Variants in WDFY2 observed in about 807,000 individuals in gnomAD.
The protein encoded by WDFY2 is WD repeat and FYVE domain-containing protein 2.
A neutral mutation model predicts 56.4 loss-of-function variants in WDFY2; 36 were observed. The observed-to-expected ratio is 0.64, with a 90% CI of 0.49 to 0.84. The LOEUF (loss-of-function observed/expected upper bound fraction) is 0.84, where lower values mean the gene tolerates loss of function less well. Ranked by LOEUF, WDFY2 falls within the 40% of genes least tolerant of loss-of-function variation. The pLI, the probability that WDFY2 is intolerant of heterozygous loss-of-function variation, is 0.00. For synonymous variants in WDFY2, 176 were observed against 183.7 expected (o/e 0.96, Z 0.34); for missense variants, 444 against 512.2 (o/e 0.87, Z 1.29).
intron 7 of WDFY2, among the ~76,000 whole-genome samples, chr13:51,741,140 C>G (rs2138693100): frequency 6.6e-6 from 1 of 152,308 alleles, no homozygotes; most frequent in Non-Finnish European, 1.5e-5. Flanking sequence ...ACAGACTTGT[C>G]CTTTTAGAAA....
intron 4 of WDFY2, among the ~76,000 whole-genome samples, chr13:51,707,801 G>A (rs1349917256): frequency 6.6e-6 from 1 of 151,944 alleles, no homozygotes; most frequent in African/African-American, 2.4e-5. Flanking sequence ...AAATTAAAAT[G>A]TGCAACAATA....
chr13:51,744,725 A>G (rs1303901403), intron 7 of WDFY2, among the ~76,000 whole-genome samples: 1 of 152,216 alleles, frequency 6.6e-6, no homozygotes, highest in African/African-American at 2.4e-5. Flanking sequence ...GCAGTGCAGT[A>G]CATGGTAACA....
At chr13:51,673,598 T>C (rs1315315727) in intron 2 of WDFY2, among the ~76,000 whole-genome samples, 3 of 152,246 alleles carry the variant, frequency 2.0e-5, no homozygotes, top group African/African-American at 7.2e-5. Flanking sequence ...GTATTTTTTC[T>C]TTAGATTTTT....
intron 2 of WDFY2, among the ~76,000 whole-genome samples, chr13:51,661,139 TC>T (rs1955604220): frequency 6.6e-6 from 1 of 152,222 alleles, no homozygotes; most frequent in South Asian, 2.1e-4. Flanking sequence ...TGATTTCATT[TC>T]CCCAAGATCT....
intron 1 of WDFY2, among the ~76,000 whole-genome samples, chr13:51,605,056 T>C (rs1469490974): frequency 1.3e-5 from 2 of 151,832 alleles, no homozygotes; most frequent in African/African-American, 2.4e-5. Flanking sequence ...TGCAGGAAAA[T>C]AGGTAGAATG....
intron 1 of WDFY2, among the ~76,000 whole-genome samples, chr13:51,646,913 A>G (rs1472171018): frequency 6.6e-6 from 1 of 152,232 alleles, no homozygotes; most frequent in Admixed American, 6.5e-5. Flanking sequence ...TGGATTCAAC[A>G]AAACTTGGAT....
chr13:51,673,563 T>C (rs1955839278), intron 2 of WDFY2, among the ~76,000 whole-genome samples: 1 of 152,262 alleles, frequency 6.6e-6, no homozygotes, highest in African/African-American at 2.4e-5. Flanking sequence ...TGTGTGTATG[T>C]ACTTTACACA....
At chr13:51,683,759 C>T (rs1370620719) in intron 3 of WDFY2, among the ~76,000 whole-genome samples, 1 of 152,156 alleles carries the variant, frequency 6.6e-6, no homozygotes, top group East Asian at 1.9e-4. Flanking sequence ...AAAAGCCTTC[C>T]CCCTTGCTGG....
At chr13:51,644,228 G>A (rs1955226220) in intron 1 of WDFY2, among the ~76,000 whole-genome samples, 1 of 152,144 alleles carries the variant, frequency 6.6e-6, no homozygotes, top group Non-Finnish European at 1.5e-5. Context: ...TGCAATACAA[G>A]GGCACTATCT....
chr13:51,640,419 C>A (rs1019187075), intron 1 of WDFY2, among the ~76,000 whole-genome samples: 21 of 152,158 alleles, frequency 1.4e-4, no homozygotes, highest in African/African-American at 5.1e-4. Context: ...TCCTTCCACC[C>A]TTTGTTGGGT....
At chr13:51,604,812 A>G (rs1954355044) in intron 1 of WDFY2, among the ~76,000 whole-genome samples, 1 of 152,162 alleles carries the variant, frequency 6.6e-6, no homozygotes, top group African/African-American at 2.4e-5. Context: ...GGTCTAGTTA[A>G]AGGTTAAACT....
chr13:51,743,477 G>T (rs1187437491), intron 7 of WDFY2, among the ~76,000 whole-genome samples: 1 of 152,144 alleles, frequency 6.6e-6, no homozygotes, highest in Non-Finnish European at 1.5e-5. Flanking sequence ...AAAATAATCA[G>T]CCCAGGAGTA....
At chr13:51,733,098 C>T (rs551408646) in intron 6 of WDFY2, among the ~76,000 whole-genome samples, 43 of 152,290 alleles carry the variant, frequency 2.8e-4, no homozygotes, top group Admixed American at 6.5e-4. Context: ...TGTAGTGGCA[C>T]GATCTCAGCT....
intron 1 of WDFY2, among the ~76,000 whole-genome samples, chr13:51,631,567 T>A (rs1954953281): frequency 6.6e-6 from 1 of 152,190 alleles, no homozygotes; most frequent in Non-Finnish European, 1.5e-5. Flanking sequence ...ACATTTTCTT[T>A]TCTTCTCCTT....
chr13:51,654,270 G>C (rs963558450), intron 1 of WDFY2, among the ~76,000 whole-genome samples: 6 of 152,194 alleles, frequency 3.9e-5, no homozygotes, highest in African/African-American at 1.2e-4. Flanking sequence ...GTATTAGGGT[G>C]GGAGTGACCT....
chr13:51,629,369 A>G (rs932059136), intron 1 of WDFY2, among the ~76,000 whole-genome samples: 1 of 152,196 alleles, frequency 6.6e-6, no homozygotes, highest in Non-Finnish European at 1.5e-5. Context: ...TTGTTTTAGT[A>G]TTATGTTTAT....
In WDFY2 at chr13:51,719,231, T is replaced by C. The variant is rs775948212; in HGVS notation, c.368T>C (p.Val123Ala). The C allele has an allele frequency of 5.1e-5, 83 of 1,614,070 alleles. 2 individuals carry two copies. The South Asian group carries it at 8.7e-4, about 17-fold the overall frequency. ...HQSRVTMILF[V>A]LELEWVLSTG... ...AGCAGAGTGACGATGATCCTGTTTGTCCTGGAGCTGGAGTGGGTGCTGAGC... is the reference window on the plus strand; with the variant it reads ...AGCAGAGTGACGATGATCCTGTTTGCCCTGGAGCTGGAGTGGGTGCTGAGC... The change falls in exon 5 of 12, where the codon GTC becomes GCC. Residue 123 changes from valine (V) to alanine (A), a missense_variant. Coordinates refer to ENST00000298125, the MANE Select transcript of WDFY2 (RefSeq NM_052950.4).
chr13:51,635,776 A>C (rs1457875673), intron 1 of WDFY2, among the ~76,000 whole-genome samples: 1 of 152,224 alleles, frequency 6.6e-6, no homozygotes, highest in Non-Finnish European at 1.5e-5. Flanking sequence ...TAAATGATAC[A>C]AAGCAAATAA....
intron 1 of WDFY2, among the ~76,000 whole-genome samples, chr13:51,628,170 G>T (rs1176733316): frequency 6.6e-6 from 1 of 152,198 alleles, no homozygotes; most frequent in Non-Finnish European, 1.5e-5. Flanking sequence ...GGCTGTTCGT[G>T]CTGAGAGGCA....
Sources: gnomAD v4.1 joint callset for allele counts (sites outside exome capture counted in the v4.1 genomes callset) on GRCh38, gnomAD v4.1.1 for gene constraint, MANE v1.5 for transcripts, NCBI Gene and HGNC (gene_info 2026-07-23, HGNC 2026-07-21) for gene names.